The following KIF26B variants were observed in gnomAD, a reference collection of about 807,000 sequenced individuals.
KIF26B encodes kinesin family member 26B.
Under a neutral mutation model 151.2 loss-of-function variants are expected in KIF26B, and 63 were observed. The ratio of observed to expected loss-of-function variants is 0.42; its 90% CI spans 0.34 to 0.51. KIF26B has a LOEUF of 0.51. Among genes scored for constraint, KIF26B ranks in the 20% least tolerant of loss-of-function variants. The pLI is 0.07. For synonymous variants in KIF26B, 1,357 were observed against 1,262.1 expected, an observed-to-expected ratio of 1.08 and a Z score of -1.59; for missense variants, 2,813 against 2,913.6, an observed-to-expected ratio of 0.97 and a Z score of 0.79.
At chr1:245,214,866 G>T (rs747312610) in intron 2 of KIF26B, among the ~76,000 whole-genome samples, 1 of 152,018 alleles carries the variant, frequency 6.6e-6, no homozygotes, top group Non-Finnish European at 1.5e-5. Flanking sequence ...AATAAATAAC[G>T]ACATAGAAGA....
chr1:245,388,727 T>C (rs1673613771), intron 3 of KIF26B, among the ~76,000 whole-genome samples: 1 of 152,224 alleles, frequency 6.6e-6, no homozygotes, highest in Admixed American at 6.5e-5. Context: ...AATCTGACCC[T>C]TACACTCAAT....
intron 11 of KIF26B, 71 bp from the exon 12 acceptor site, chr1:245,685,334 C>A: frequency 7.7e-7 from 1 of 1,295,730 alleles, no homozygotes; most frequent in Non-Finnish European, 1.1e-6. Context: ...TCACCACTTG[C>A]CGCGCACAGC....
chr1:245,163,433 C>T (rs982161767), intron 2 of KIF26B, among the ~76,000 whole-genome samples: 2 of 152,180 alleles, frequency 1.3e-5, no homozygotes, highest in Non-Finnish European at 2.9e-5. Flanking sequence ...TGAGCCACTG[C>T]GCTTGGCCCA....
chr1:245,365,135 A>C (rs1672914966), intron 2 of KIF26B, among the ~76,000 whole-genome samples: 1 of 152,080 alleles, frequency 6.6e-6, no homozygotes. Context: ...AACAGCCCCT[A>C]AGGGGCCGTT....
intron 8 of KIF26B, among the ~76,000 whole-genome samples, chr1:245,609,828 G>C (rs2043499274): frequency 6.6e-6 from 1 of 151,358 alleles, no homozygotes; most frequent in Non-Finnish European, 1.5e-5. Context: ...TCTTTCTTTT[G>C]TTTAACAACA....
chr1:245,651,061 G>A (rs35798695), intron 10 of KIF26B, among the ~76,000 whole-genome samples: 23,093 of 152,130 alleles, frequency 0.15, 2,276 homozygotes, highest in African/African-American at 0.26. Flanking sequence ...TGCAGGCCAC[G>A]AGCAAACACC....
chr1:245,478,445 T>TTTTTGG (rs1660088836), intron 4 of KIF26B, among the ~76,000 whole-genome samples: 1 of 149,980 alleles, frequency 6.7e-6, no homozygotes, highest in Non-Finnish European at 1.5e-5. Flanking sequence ...TTTTTTTTTT[T>TTTTTGG]GAGACGGAGT....
At chr1:245,356,301 T>A (rs981616433) in intron 2 of KIF26B, among the ~76,000 whole-genome samples, 4 of 152,106 alleles carry the variant, frequency 2.6e-5, no homozygotes, top group Non-Finnish European at 5.9e-5. Context: ...CATGCCTGTA[T>A]TCCCAGCACT....
At chr1:245,544,705 G>T (rs1661698701) in intron 5 of KIF26B, among the ~76,000 whole-genome samples, 1 of 152,186 alleles carries the variant, frequency 6.6e-6, no homozygotes, top group Non-Finnish European at 1.5e-5. Context: ...AGAGTGTCAT[G>T]GAACTGCAGT....
chr1:245,340,062 A>G (rs770832322), intron 2 of KIF26B, among the ~76,000 whole-genome samples: 1 of 152,198 alleles, frequency 6.6e-6, no homozygotes, highest in South Asian at 2.1e-4. Context: ...CCTTATCACT[A>G]CAGGAAACAG....
chr1:245,467,535 T>A (rs1344608068), intron 4 of KIF26B, among the ~76,000 whole-genome samples: 4 of 152,188 alleles, frequency 2.6e-5, no homozygotes, highest in Non-Finnish European at 5.9e-5. Context: ...TGCTGGTAGA[T>A]GGAAATCTCT....
At chr1:245,647,424 CAAAAA>C (rs372008159) in intron 10 of KIF26B, among the ~76,000 whole-genome samples, 1 of 96,534 alleles carries the variant, frequency 1.0e-5, no homozygotes, top group East Asian at 2.9e-4. Flanking sequence ...GACTCCTTCT[CAAAAA>C]AAAAAAAAAA....
chr1:245,197,975 G>A (rs1669223482), intron 2 of KIF26B, among the ~76,000 whole-genome samples: 1 of 152,160 alleles, frequency 6.6e-6, no homozygotes, highest in South Asian at 2.1e-4. Context: ...TCTCTCTTAA[G>A]CAGATGACTT....
At chr1:245,664,966 TCA>T (rs538870476) in intron 10 of KIF26B, among the ~76,000 whole-genome samples, 42 of 152,328 alleles carry the variant, frequency 2.8e-4, no homozygotes, top group African/African-American at 9.1e-4. Context: ...TGATAGAATA[TCA>T]CAGTTTGTTT....
chr1:245,158,710 A>G (rs1208439096), intron 2 of KIF26B, among the ~76,000 whole-genome samples: 1 of 152,204 alleles, frequency 6.6e-6, no homozygotes, highest in Non-Finnish European at 1.5e-5. Context: ...AAAGCGTGAC[A>G]TTTGGTGCAA....
intron 4 of KIF26B, among the ~76,000 whole-genome samples, chr1:245,500,769 C>G (rs950499972): frequency 1.3e-5 from 2 of 152,200 alleles, no homozygotes; most frequent in African/African-American, 4.8e-5. Flanking sequence ...GCAGGGGCCT[C>G]CTGATGGCGA....
At position 245,667,940 on chromosome 1, in the gene KIF26B, G is replaced by GAGTGC. The variant is rs1170151204; in HGVS notation, c.2259-16283_2259-16279dup. On this transcript the variant is annotated intron_variant, in intron 10 of 14. Transcript: ENST00000407071. This position sits in a 1 kb window ranked among gnomAD's most constrained non-coding sequence, Gnocchi z 4.3. ...GAGTCTCACTCTGTCACCCAGGCTGGAGTGCAGTGCAGTGGCGCAATCTCA... is the reference window on the plus strand; with the variant it reads ...GAGTCTCACTCTGTCACCCAGGCTGGAGTGCAGTGCAGTGCAGTGGCGCAATCTCA... Among the ~76,000 whole-genome samples the GAGTGC allele has an allele frequency of 6.6e-6, 1 of 152,164 alleles. No individual in the cohort carries two copies. Among genetic ancestry groups the GAGTGC allele is most frequent in the Non-Finnish European group, 1.5e-5 (1 of 68,042 alleles).
intron 2 of KIF26B, among the ~76,000 whole-genome samples, chr1:245,296,615 G>T (rs1671341470): frequency 6.6e-6 from 1 of 152,204 alleles, no homozygotes; most frequent in Admixed American, 6.5e-5. Flanking sequence ...GCCATGGGAT[G>T]CCCAGAATGT....
chr1:245,599,223 A>G (rs1572893), intron 5 of KIF26B, among the ~76,000 whole-genome samples: 50,653 of 152,162 alleles, frequency 0.33, 8,768 homozygotes, highest in East Asian at 0.4. Context: ...GACTAAAGGA[A>G]TAATGATACA....
Sources: allele counts gnomAD v4.1 joint callset (sites outside exome capture counted in the v4.1 genomes callset), GRCh38; gene constraint gnomAD v4.1.1; non-coding constraint Gnocchi (gnomAD v3.1); transcripts MANE v1.5; gene names NCBI Gene and HGNC (gene_info 2026-07-23, HGNC 2026-07-21).